CDH4: variants seen among roughly 807,000 people sequenced by gnomAD.
CDH4 encodes cadherin-4.
In CDH4, 33 loss-of-function variants were observed where a neutral mutation model predicts 86.0. The observed-to-expected ratio is 0.38, with a 90% confidence interval of 0.29 to 0.51. CDH4 has a LOEUF of 0.51. Ranked by LOEUF, CDH4 falls within the 20% of genes least tolerant of loss-of-function variation. The pLI, the probability that CDH4 is intolerant of heterozygous loss-of-function variation, is 0.86. For synonymous variants in CDH4, 555 were observed against 549.4 expected (o/e 1.01, Z -0.14); for missense variants, 1,114 against 1,307.4 (o/e 0.85, Z 2.28).
chr20:61,860,566 A>AG (rs2146127483), intron 6 of CDH4, among the ~76,000 whole-genome samples: 1 of 152,156 alleles, frequency 6.6e-6, no homozygotes, highest in Non-Finnish European at 1.5e-5. Context: ...GGGAGGGAGG[A>AG]GGAGGTGCAG....
intron 2 of CDH4, among the ~76,000 whole-genome samples, chr20:61,456,136 T>C (rs1027973684): frequency 1.3e-5 from 2 of 151,924 alleles, no homozygotes; most frequent in Admixed American, 6.6e-5. Flanking sequence ...GATGGATAGA[T>C]AGGTAGGTGG....
intron 2 of CDH4, among the ~76,000 whole-genome samples, chr20:61,564,484 C>A (rs142860076): frequency 6.6e-6 from 1 of 152,024 alleles, no homozygotes; most frequent in Non-Finnish European, 1.5e-5. Flanking sequence ...GAGAGCTGGT[C>A]GTTTAAAAGA....
At chr20:61,477,418 AC>A (rs2085544017) in intron 2 of CDH4, among the ~76,000 whole-genome samples, 2 of 152,220 alleles carry the variant, frequency 1.3e-5, no homozygotes, top group South Asian at 4.1e-4. Flanking sequence ...AAGATGGCAG[AC>A]CTGTGCCCGT....
chr20:61,627,506 A>G (rs1034206725), intron 2 of CDH4, among the ~76,000 whole-genome samples: 2 of 152,184 alleles, frequency 1.3e-5, no homozygotes, highest in African/African-American at 2.4e-5. Context: ...GTGACAATCA[A>G]AAAGGTCACC....
At chr20:61,309,464 T>TCCAGATG (rs1435304832) in intron 2 of CDH4, among the ~76,000 whole-genome samples, 1 of 152,242 alleles carries the variant, frequency 6.6e-6, no homozygotes, top group East Asian at 1.9e-4. Flanking sequence ...TCCTCGAGTT[T>TCCAGATG]CCAGATGCCC....
At position 61,744,007 on chromosome 20, in the gene CDH4, C is replaced by T. The variant is rs560876355; in HGVS notation, c.396+218C>T. ...AAGGCCCCCTGGGCAGGCACACAGG[C>T]CCCACACTCAGGTTCAGACACTATG... On this transcript the variant is annotated intron_variant, in intron 3 of 15. Transcript: ENST00000614565. Among the ~76,000 whole-genome samples, 158 of 152,352 alleles carry T rather than the reference C, an allele frequency of 1.0e-3. 1 individual carries two copies. Among genetic ancestry groups the T allele is most frequent in the African/African-American group, 3.6e-3 (148 of 41,590 alleles).
chr20:61,923,385 G>C, intron 9 of CDH4, 66 bp from the exon 10 acceptor site: 1 of 1,545,098 alleles, frequency 6.5e-7, no homozygotes, highest in South Asian at 1.2e-5. Flanking sequence ...CTTCCCATGT[G>C]TCCCCCCATG....
At chr20:61,871,518 A>G (rs1037444241) in intron 6 of CDH4, among the ~76,000 whole-genome samples, 6 of 152,214 alleles carry the variant, frequency 3.9e-5, no homozygotes, top group African/African-American at 1.4e-4. Flanking sequence ...CGCGTGTGTT[A>G]GGACTGTTTC....
At chr20:61,763,440 A>AT (rs2088661452) in intron 3 of CDH4, among the ~76,000 whole-genome samples, 1 of 152,130 alleles carries the variant, frequency 6.6e-6, no homozygotes, top group African/African-American at 2.4e-5. Context: ...TCTGGGAGGC[A>AT]TTTTCACGCA....
chr20:61,265,387 G>A (rs1014546347), intron 2 of CDH4, among the ~76,000 whole-genome samples: 7 of 151,998 alleles, frequency 4.6e-5, no homozygotes, highest in Non-Finnish European at 1.0e-4. Flanking sequence ...TATCTCAGTG[G>A]TTCCTTCATT....
chr20:61,521,398 C>G (rs781062601), intron 2 of CDH4, among the ~76,000 whole-genome samples: 1 of 152,244 alleles, frequency 6.6e-6, no homozygotes, highest in African/African-American at 2.4e-5. Flanking sequence ...TTGTAGGGAT[C>G]GTAAGAAGAT....
At chr20:61,319,074 C>T (rs978941285) in intron 2 of CDH4, among the ~76,000 whole-genome samples, 20 of 152,234 alleles carry the variant, frequency 1.3e-4, no homozygotes, top group African/African-American at 4.3e-4. Flanking sequence ...CAGCACTGAG[C>T]GCTTGCCCTG....
intron 2 of CDH4, among the ~76,000 whole-genome samples, chr20:61,260,188 T>C (rs1352288448): frequency 6.6e-6 from 1 of 152,226 alleles, no homozygotes; most frequent in African/African-American, 2.4e-5. Context: ...TACCCTCCAG[T>C]GTTCCTTGGA....
rs573058857 is a variant in CDH4, at chr20:61,645,529, G to A, written c.170-98034G>A. Among the ~76,000 whole-genome samples the A allele has an allele frequency of 2.6e-5, 4 of 152,198 alleles. No individual in the cohort carries two copies. In the South Asian group the frequency reaches 6.2e-4, roughly 24 times the overall value. On this transcript the variant is annotated intron_variant, in intron 2 of 15. Coordinates refer to ENST00000614565, the MANE Select transcript of CDH4 (RefSeq NM_001794.5). Reference sequence around the variant, plus strand: ...CACCTGTGGTCCCAGCTACTCAGGAGGCTGAGGCAGGAGGATAGCTTGAAC... The same window carrying A: ...CACCTGTGGTCCCAGCTACTCAGGAAGCTGAGGCAGGAGGATAGCTTGAAC...
At position 61,819,604 on chromosome 20, in the gene CDH4, G is replaced by T. The variant is rs1157332136; in HGVS notation, c.577-25064G>T. Among the ~76,000 whole-genome samples the T allele has an allele frequency of 2.0e-5, 3 of 152,180 alleles. No homozygotes were observed. In the South Asian group the frequency reaches 6.2e-4, roughly 32 times the overall value. On this transcript the variant is annotated intron_variant, in intron 4 of 15. Transcript: ENST00000614565. ...TGTTTTGCCATGATTTAGTACTTGT[G>T]TACACCAGTTATAAGAAAGTATCAC...
intron 2 of CDH4, among the ~76,000 whole-genome samples, chr20:61,565,317 C>CGGTGCTCTTGGTGATGGT (rs2086281495): frequency 5.0e-5 from 1 of 20,068 alleles, no homozygotes; most frequent in Non-Finnish European, 9.0e-5. Context: ...TTGGTGGTGG[C>CGGTGCTCTTGGTGATGGT]GGTGCTCTTG....
At position 61,754,015 on chromosome 20, in the gene CDH4, G is replaced by A. The variant is rs753443847; in HGVS notation, c.396+10226G>A. ...TTATAGAAGGGGAAATTTGGGCACAGACAGGCACAGGGAGAAGTCCTGTGA... is the reference window on the plus strand; with the variant it reads ...TTATAGAAGGGGAAATTTGGGCACAAACAGGCACAGGGAGAAGTCCTGTGA... On this transcript the variant is annotated intron_variant, in intron 3 of 15. Transcript: ENST00000614565. The surrounding 1 kb of genome is among the most constrained non-coding windows in gnomAD (Gnocchi z 4.7). 9.8e-5 allele frequency among the ~76,000 whole-genome samples: 15 copies of A among 152,344 alleles called. No homozygotes were observed. Among genetic ancestry groups the A allele is most frequent in the Non-Finnish European group, 2.1e-4 (14 of 68,030 alleles).
chr20:61,684,303 G>A lies in CDH4; in HGVS notation c.170-59260G>A, dbSNP rs767918006. Among the ~76,000 whole-genome samples, 1 of 152,188 alleles carries A rather than the reference G, an allele frequency of 6.6e-6. No individual in the cohort carries two copies. Among genetic ancestry groups the A allele is most frequent in the East Asian group, 1.9e-4 (1 of 5,188 alleles). On this transcript the variant is annotated intron_variant, in intron 2 of 15. Coordinates refer to ENST00000614565, the MANE Select transcript of CDH4 (RefSeq NM_001794.5). The surrounding 1 kb of genome is among the most constrained non-coding windows in gnomAD (Gnocchi z 4.5). ...GAGGGTGGCAAAGGGGCGACCATGCGACTGAGCCCTGTGGGAAGAGCAGGG... is the reference window on the plus strand; with the variant it reads ...GAGGGTGGCAAAGGGGCGACCATGCAACTGAGCCCTGTGGGAAGAGCAGGG...
chr20:61,446,765 A>G (rs1203140578), intron 2 of CDH4, among the ~76,000 whole-genome samples: 2 of 152,128 alleles, frequency 1.3e-5, no homozygotes, highest in Non-Finnish European at 2.9e-5. Flanking sequence ...TGTGTGTCTG[A>G]GCACCTGTCT....
Sources: gnomAD v4.1 joint callset for allele counts (sites outside exome capture counted in the v4.1 genomes callset) on GRCh38, gnomAD v4.1.1 for gene constraint, Gnocchi (gnomAD v3.1) non-coding constraint, MANE v1.5 for transcripts, NCBI Gene and HGNC (gene_info 2026-07-23, HGNC 2026-07-21) for gene names.